Variants in PLEKHH2 observed in about 807,000 individuals in gnomAD.
PLEKHH2 encodes pleckstrin homology, MyTH4 and FERM domain containing H2.
A neutral mutation model predicts 187.9 loss-of-function variants in PLEKHH2; 129 were observed. The observed-to-expected ratio is 0.69, with a 90% CI of 0.59 to 0.79. PLEKHH2 has a LOEUF of 0.79. PLEKHH2 is among the 30% of genes least tolerant of loss of function. The probability of loss-of-function intolerance (pLI) is 0.00; values close to 1 mark genes in which losing one functional copy is unlikely to be tolerated. For missense variants in PLEKHH2, 2,076 were observed against 1,751.2 expected (o/e 1.19, Z -3.31); for synonymous variants, 686 against 605.6 (o/e 1.13, Z -1.95).
intron 2 of PLEKHH2, among the ~76,000 whole-genome samples, chr2:43,654,974 C>G (rs1293127670): frequency 6.6e-6 from 1 of 151,844 alleles, no homozygotes; most frequent in Non-Finnish European, 1.5e-5. Flanking sequence ...TTGCAGTGAG[C>G]CAGCCGAGAT....
intron 28 of PLEKHH2, among the ~76,000 whole-genome samples, chr2:43,762,985 A>C (rs182499434): frequency 2.0e-5 from 3 of 152,264 alleles, no homozygotes; most frequent in Admixed American, 2.0e-4. Flanking sequence ...TTCACCTGGC[A>C]GGTCTAATCC....
chr2:43,643,240 G>A (rs781184880), intron 1 of PLEKHH2, among the ~76,000 whole-genome samples: 1 of 152,166 alleles, frequency 6.6e-6, no homozygotes, highest in East Asian at 1.9e-4. Flanking sequence ...AAACAATGGG[G>A]CAAGGATTCT....
rs552738362 is a variant in PLEKHH2, at chr2:43,707,792, A to G, written c.1966+247A>G. On this transcript the variant is annotated intron_variant, in intron 11 of 29. Coordinates refer to ENST00000282406, the MANE Select transcript of PLEKHH2 (RefSeq NM_172069.4). ...TTGTCTGTGAGAGGGAGATCACTTT[A>G]TTGTTGGAATGAAGTGAGATAATTG... Among the ~76,000 whole-genome samples, 9 of 150,060 alleles carry G rather than the reference A, an allele frequency of 6.0e-5. 1 individual carries two copies. In the South Asian group the frequency reaches 1.7e-3, roughly 28 times the overall value.
At chr2:43,761,608 G>A (rs956828642) in intron 27 of PLEKHH2, among the ~76,000 whole-genome samples, 12 of 151,634 alleles carry the variant, frequency 7.9e-5, no homozygotes, top group South Asian at 4.2e-4. Context: ...ATGGGGTTTC[G>A]TCATGTTGCA....
At chr2:43,731,833 G>A (rs1318808043) in intron 19 of PLEKHH2, among the ~76,000 whole-genome samples, 1 of 152,058 alleles carries the variant, frequency 6.6e-6, no homozygotes, top group Non-Finnish European at 1.5e-5. Context: ...TATGGTTTGG[G>A]CAATGTGAAA....
At position 43,743,844 on chromosome 2, in the gene PLEKHH2, T is replaced by A; in HGVS notation, c.3410T>A (p.Phe1137Tyr). ...FMNGIYQVVG[F>Y]DASTTVEEFL... ...GTTATTTCTGTCTAGGTAGTTGGTT[T>A]TGACGCATCTACCACAGTGGAAGAA... is the stretch of plus-strand genomic sequence containing the variant. Residue 1137 changes from phenylalanine (F) to tyrosine (Y), a missense_variant, in exon 23 of 30, where the codon TTT (phenylalanine) becomes TAT (tyrosine). By Grantham distance (22) the Phe-to-Tyr change is conservative (BLOSUM62 3). Transcript: ENST00000282406. 1 of 1,613,272 alleles carries A rather than the reference T, an allele frequency of 6.2e-7. No homozygotes were observed. The highest frequency in any genetic ancestry group is 8.5e-7 in the Non-Finnish European group (1 of 1,179,336).
chr2:43,710,359 C>T (rs940124020), intron 13 of PLEKHH2, 29 bp downstream of exon 13: 59 of 1,602,704 alleles, frequency 3.7e-5, no homozygotes, highest in East Asian at 6.7e-5. Context: ...CTGTTTAGAA[C>T]GTAATTCCTC....
chr2:43,723,894 C>G lies in PLEKHH2; in HGVS notation c.2542-2378C>G, dbSNP rs115238325. Among the ~76,000 whole-genome samples the G allele has an allele frequency of 8.7e-3, 1,317 of 152,160 alleles. 24 individuals carry two copies. Among genetic ancestry groups the G allele is most frequent in the African/African-American group, 0.031 (1,273 of 41,516 alleles). On this transcript the variant is annotated intron_variant, in intron 16 of 29. Transcript: ENST00000282406. Reference sequence around the variant, plus strand: ...GAATAAGGAGGAGATGGGTTAGGAGCCATTGCAGTAATCCAGGTGAGAGGG... The same window carrying G: ...GAATAAGGAGGAGATGGGTTAGGAGGCATTGCAGTAATCCAGGTGAGAGGG...
intron 9 of PLEKHH2, among the ~76,000 whole-genome samples, chr2:43,704,511 A>G (rs1371395102): frequency 6.6e-6 from 1 of 151,982 alleles, no homozygotes; most frequent in Non-Finnish European, 1.5e-5. Flanking sequence ...AATACAAAAA[A>G]AATTAGCCGG....
At chr2:43,689,019 C>A (rs1668663982) in intron 3 of PLEKHH2, among the ~76,000 whole-genome samples, 1 of 152,124 alleles carries the variant, frequency 6.6e-6, no homozygotes, top group Non-Finnish European at 1.5e-5. Flanking sequence ...CAAAAACAGG[C>A]ACTCACCATA....
At chr2:43,686,439 C>A (rs1230034238) in intron 3 of PLEKHH2, among the ~76,000 whole-genome samples, 1 of 152,166 alleles carries the variant, frequency 6.6e-6, no homozygotes, top group Non-Finnish European at 1.5e-5. Context: ...TCAGGTGATC[C>A]CCCTGCCTTG....
chr2:43,758,416 C>T (rs775655621), intron 26 of PLEKHH2, among the ~76,000 whole-genome samples: 1 of 152,082 alleles, frequency 6.6e-6, no homozygotes, highest in Non-Finnish European at 1.5e-5. Flanking sequence ...TCATGCCTGG[C>T]TTATTTTTGT....
intron 2 of PLEKHH2, chr2:43,675,339 G>C (rs771094391): frequency 1.4e-6 from 2 of 1,426,374 alleles, no homozygotes; most frequent in African/African-American, 2.8e-5. Context: ...CATTTCAAGT[G>C]CTCTTGGACA....
In PLEKHH2 at chr2:43,742,945, A is replaced by G. The variant is rs2288711; in HGVS notation, c.3399+27A>G. The G allele has an allele frequency of 4.7e-5, 68 of 1,458,052 alleles. No homozygotes were observed. In the East Asian group the frequency reaches 1.7e-3, roughly 37 times the overall value. The allele number at this position is 1,458,052 out of a possible 1,614,324, so 90.3% of individuals were successfully genotyped here. On this transcript the variant is annotated intron_variant, in intron 22 of 29. Coordinates refer to ENST00000282406, the MANE Select transcript of PLEKHH2 (RefSeq NM_172069.4). ...TAGGTTACCTGATGAAAATATGCTTAGCCAACAATCCTATGTACAACCTCT... is the reference window on the plus strand; with the variant it reads ...TAGGTTACCTGATGAAAATATGCTTGGCCAACAATCCTATGTACAACCTCT...
At chr2:43,719,134 T>G (rs1229617334) in intron 15 of PLEKHH2, among the ~76,000 whole-genome samples, 1 of 152,204 alleles carries the variant, frequency 6.6e-6, no homozygotes, top group African/African-American at 2.4e-5. Flanking sequence ...AACATACTGC[T>G]GATTTAATTG....
At position 43,699,952 on chromosome 2, in the gene PLEKHH2, A is replaced by G; in HGVS notation, c.994A>G (p.Ser332Gly). The change falls in exon 8 of 30, where the codon AGC becomes GGC. Residue 332 changes from serine (S) to glycine (G), a missense_variant. Ser to Gly is a moderately conservative substitution (Grantham distance 56, BLOSUM62 0). Transcript: ENST00000282406. ...SEMYLTASDDSSSIFEEETFG... is the reference protein window; with the variant it reads ...SEMYLTASDDGSSIFEEETFG... ...AATGTATCTGACAGCATCTGATGAC[A>G]GCAGCTCTATATTTGAGGAAGAGAC... 6.2e-7 allele frequency: 1 copy of G among 1,614,208 alleles called. No individual in the cohort carries two copies. Among genetic ancestry groups the G allele is most frequent in the Non-Finnish European group, 8.5e-7 (1 of 1,180,026 alleles).
intron 19 of PLEKHH2, 123 bp from the exon 20 acceptor site, chr2:43,738,218 C>T: frequency 1.3e-6 from 1 of 774,464 alleles, no homozygotes; most frequent in Non-Finnish European, 1.9e-6. Context: ...TTAGTGTTAT[C>T]ATAATATATC....
intron 1 of PLEKHH2, among the ~76,000 whole-genome samples, chr2:43,644,112 A>G (rs1666075815): frequency 1.3e-5 from 2 of 152,194 alleles, no homozygotes; most frequent in East Asian, 3.9e-4. Flanking sequence ...CTTAACCTGG[A>G]CCTGGCCAAA....
chr2:43,726,210 A>C, intron 16 of PLEKHH2, 62 bp from the exon 17 acceptor site: 1 of 1,140,864 alleles, frequency 8.8e-7, no homozygotes, highest in East Asian at 2.5e-5. Context: ...AGGACTATGA[A>C]ATGTTTTAGT....
Sources: gnomAD v4.1 joint callset for allele counts (sites outside exome capture counted in the v4.1 genomes callset) on GRCh38, gnomAD v4.1.1 for gene constraint, MANE v1.5 for transcripts, NCBI Gene and HGNC (gene_info 2026-07-23, HGNC 2026-07-21) for gene names.